MAGI2: variants seen among roughly 807,000 people sequenced by gnomAD.
MAGI2 encodes membrane-associated guanylate kinase, WW and PDZ domain-containing protein 2.
A neutral mutation model predicts 133.3 loss-of-function variants in MAGI2; 35 were observed. The ratio of observed to expected loss-of-function variants is 0.26; its 90% CI spans 0.20 to 0.35. The LOEUF is 0.35. Ranked by LOEUF, MAGI2 falls within the 10% of genes least tolerant of loss-of-function variation. The pLI is 1.00. For synonymous variants in MAGI2, 729 were observed against 710.6 expected (o/e 1.03, Z -0.41); for missense variants, 1,636 against 1,863.4 (o/e 0.88, Z 2.25).
chr7:79,238,111 A>G (rs530840563), intron 1 of MAGI2, among the ~76,000 whole-genome samples: 1 of 152,328 alleles, frequency 6.6e-6, no homozygotes, highest in East Asian at 1.9e-4. Flanking sequence ...ACTGGGAAAT[A>G]CATTGGCTTA....
At chr7:78,551,453 T>C (rs1799326200) in intron 3 of MAGI2, among the ~76,000 whole-genome samples, 1 of 152,330 alleles carries the variant, frequency 6.6e-6, no homozygotes, top group Non-Finnish European at 1.5e-5. Flanking sequence ...GCTTTTGCAC[T>C]ATTTCAAGAG....
intron 21 of MAGI2, among the ~76,000 whole-genome samples, chr7:78,034,576 G>A (rs924626242): frequency 6.6e-6 from 1 of 152,068 alleles, no homozygotes; most frequent in African/African-American, 2.4e-5. Context: ...CACCCAGGCT[G>A]GAGTGCAGTA....
At chr7:79,200,262 A>G (rs1828472481) in intron 1 of MAGI2, among the ~76,000 whole-genome samples, 1 of 151,946 alleles carries the variant, frequency 6.6e-6, no homozygotes, top group African/African-American at 2.4e-5. Context: ...GGCCAAGGCT[A>G]ACTTTCTTAC....
chr7:79,444,158 G>A (rs576776485), intron 1 of MAGI2, among the ~76,000 whole-genome samples: 4 of 152,216 alleles, frequency 2.6e-5, no homozygotes, highest in South Asian at 4.1e-4. Flanking sequence ...TTGATGGGAC[G>A]TATCTCAAAA....
intron 1 of MAGI2, among the ~76,000 whole-genome samples, chr7:79,234,227 A>AT (rs1318498407): frequency 7.2e-6 from 1 of 137,986 alleles, no homozygotes; most frequent in Admixed American, 7.3e-5. Context: ...TGCCCTTAAC[A>AT]TTTTTTCCTT....
chr7:78,645,659 G>C (rs899784154), intron 2 of MAGI2, among the ~76,000 whole-genome samples: 2 of 151,706 alleles, frequency 1.3e-5, no homozygotes, highest in Non-Finnish European at 2.9e-5. Context: ...GTGTGTGTGT[G>C]TGTGTGTGTG....
intron 2 of MAGI2, among the ~76,000 whole-genome samples, chr7:78,787,447 T>C (rs543019677): frequency 6.6e-6 from 1 of 152,202 alleles, no homozygotes; most frequent in South Asian, 2.1e-4. Context: ...ACAAGAGCAG[T>C]TAAAGTCACA....
chr7:79,435,460 C>G (rs1224460307), intron 1 of MAGI2, among the ~76,000 whole-genome samples: 1 of 152,070 alleles, frequency 6.6e-6, no homozygotes, highest in Non-Finnish European at 1.5e-5. Flanking sequence ...TTAGGAGAAT[C>G]TGGATCTAAT....
chr7:79,097,994 C>T (rs1173567475), intron 1 of MAGI2, among the ~76,000 whole-genome samples: 2 of 152,098 alleles, frequency 1.3e-5, no homozygotes, highest in South Asian at 2.1e-4. Context: ...TGGTGGCACA[C>T]GCCTGTACTC....
intron 9 of MAGI2, among the ~76,000 whole-genome samples, chr7:78,279,210 T>C (rs920083375): frequency 2.0e-5 from 3 of 152,168 alleles, no homozygotes; most frequent in African/African-American, 7.2e-5. Context: ...TATTTCCTGT[T>C]GACTCAAACG....
At chr7:78,807,875 C>G (rs1168530475) in intron 2 of MAGI2, among the ~76,000 whole-genome samples, 2 of 151,818 alleles carry the variant, frequency 1.3e-5, no homozygotes, top group Non-Finnish European at 2.9e-5. Context: ...CTTATCTTTA[C>G]AACAGATGAA....
chr7:79,433,225 G>C (rs1214299803), intron 1 of MAGI2, among the ~76,000 whole-genome samples: 2 of 152,010 alleles, frequency 1.3e-5, no homozygotes, highest in Non-Finnish European at 2.9e-5. Flanking sequence ...GGTCTGACAG[G>C]GTACACTTTA....
At chr7:78,235,209 C>T (rs1053164909) in intron 10 of MAGI2, among the ~76,000 whole-genome samples, 1 of 152,166 alleles carries the variant, frequency 6.6e-6, no homozygotes, top group African/African-American at 2.4e-5. Flanking sequence ...ACCATTACTA[C>T]TACTTTTTCT....
chr7:78,380,943 C>G (rs1256994790), intron 6 of MAGI2, among the ~76,000 whole-genome samples: 1 of 152,088 alleles, frequency 6.6e-6, no homozygotes, highest in Middle Eastern at 3.2e-3. Context: ...CTAAAATGGG[C>G]AATTTCTTAG....
At position 78,511,420 on chromosome 7, in the gene MAGI2, A is replaced by G. The variant is rs547343880; in HGVS notation, c.755-9633T>C. 7.2e-5 allele frequency among the ~76,000 whole-genome samples: 11 copies of G among 151,872 alleles called. No homozygotes were observed. In the East Asian group the frequency reaches 1.9e-3, roughly 27 times the overall value. On this transcript the variant is annotated intron_variant, in intron 4 of 21. Coordinates refer to ENST00000354212, the MANE Select transcript of MAGI2 (RefSeq NM_012301.4). Reference sequence around the variant, plus strand: ...CAGATTGTCAATTATTGCTCAAAGAATGCTCTTATCCATTTTCTTACTTTT... The same window carrying G: ...CAGATTGTCAATTATTGCTCAAAGAGTGCTCTTATCCATTTTCTTACTTTT...
chr7:78,841,789 T>C (rs565347967), intron 2 of MAGI2, among the ~76,000 whole-genome samples: 70 of 152,038 alleles, frequency 4.6e-4, no homozygotes, highest in Non-Finnish European at 9.0e-4. Context: ...GGAAGATGCT[T>C]TGCCCTTTCT....
intron 1 of MAGI2, among the ~76,000 whole-genome samples, chr7:79,271,571 A>G (rs1339444457): frequency 6.6e-6 from 1 of 152,026 alleles, no homozygotes; most frequent in Non-Finnish European, 1.5e-5. Flanking sequence ...AATTTTTCTT[A>G]GAGAAGTTTT....
chr7:78,642,900 A>G (rs117481831), intron 2 of MAGI2, among the ~76,000 whole-genome samples: 8 of 152,234 alleles, frequency 5.3e-5, no homozygotes, highest in Non-Finnish European at 1.2e-4. Context: ...ACATCCACAA[A>G]ATGTTCTAAA....
intron 2 of MAGI2, among the ~76,000 whole-genome samples, chr7:78,986,603 C>T (rs923753457): frequency 2.0e-5 from 3 of 151,848 alleles, no homozygotes; most frequent in African/African-American, 7.3e-5. Context: ...CTCACTGCAG[C>T]CTCAACCTCC....
Sources: gnomAD v4.1 joint callset for allele counts (sites outside exome capture counted in the v4.1 genomes callset) on GRCh38, gnomAD v4.1.1 for gene constraint, MANE v1.5 for transcripts, NCBI Gene and HGNC (gene_info 2026-07-23, HGNC 2026-07-21) for gene names.